The following GPR141 variants were observed in gnomAD, a reference collection of about 807,000 sequenced individuals.
The protein encoded by GPR141 is G protein-coupled receptor 141, also known as probable G protein-coupled receptor 141.
In GPR141, 6 loss-of-function variants were observed where a neutral mutation model predicts 6.8. The observed-to-expected ratio is 0.88, with a 90% CI of 0.48 to 1.74. GPR141 has a LOEUF of 1.74. Among genes scored for constraint, GPR141 ranks in the 40% most tolerant of loss-of-function variants. The pLI, the probability that GPR141 is intolerant of heterozygous loss-of-function variation, is 0.01. For missense variants in GPR141, 372 were observed against 372.9 expected, an observed-to-expected ratio of 1.00 and a Z score of 0.02; for synonymous variants, 140 against 142.3, an observed-to-expected ratio of 0.98 and a Z score of 0.11.
chr7:37,712,809 A>G (rs1341085875), intron 2 of GPR141, among the ~76,000 whole-genome samples: 3 of 152,196 alleles, frequency 2.0e-5, no homozygotes, highest in Admixed American at 1.3e-4. Flanking sequence ...GGACCTGTGT[A>G]TTGGCCGAGG....
intron 2 of GPR141, among the ~76,000 whole-genome samples, chr7:37,729,155 C>T (rs1198475572): frequency 6.6e-6 from 1 of 152,146 alleles, no homozygotes. Flanking sequence ...AAAGGGCTTA[C>T]ATGTCATGGT....
intron 2 of GPR141, among the ~76,000 whole-genome samples, chr7:37,738,299 G>A (rs1812345351): frequency 1.3e-5 from 2 of 152,202 alleles, no homozygotes; most frequent in Admixed American, 1.3e-4. Flanking sequence ...TAAGAAAGAG[G>A]ACTTGGGACA....
chr7:37,724,685 A>G (rs1265923712), intron 2 of GPR141, among the ~76,000 whole-genome samples: 1 of 152,208 alleles, frequency 6.6e-6, no homozygotes, highest in African/African-American at 2.4e-5. Context: ...CAAACACAAC[A>G]AACTATAATT....
intron 2 of GPR141, among the ~76,000 whole-genome samples, chr7:37,718,857 T>C (rs538795656): frequency 6.6e-6 from 1 of 152,314 alleles, no homozygotes; most frequent in Non-Finnish European, 1.5e-5. Flanking sequence ...CTGTTAGGCT[T>C]TGAATGCACA....
At chr7:37,738,486 G>A (rs1430912939) in intron 2 of GPR141, among the ~76,000 whole-genome samples, 1 of 152,102 alleles carries the variant, frequency 6.6e-6, no homozygotes, top group Non-Finnish European at 1.5e-5. Context: ...AAAATAAAAG[G>A]CAAGTAGAGA....
At chr7:37,732,752 G>A (rs550807580) in intron 2 of GPR141, among the ~76,000 whole-genome samples, 2 of 152,320 alleles carry the variant, frequency 1.3e-5, no homozygotes, top group African/African-American at 2.4e-5. Flanking sequence ...TAACAAAGGA[G>A]CAGAGCAGGA....
intron 2 of GPR141, among the ~76,000 whole-genome samples, chr7:37,730,608 T>G (rs1295393424): frequency 6.6e-6 from 1 of 152,180 alleles, no homozygotes; most frequent in African/African-American, 2.4e-5. Context: ...GTTGCACTTG[T>G]TTTTGTGACT....
intron 2 of GPR141, among the ~76,000 whole-genome samples, chr7:37,717,580 C>A (rs1445935457): frequency 6.6e-6 from 1 of 152,092 alleles, no homozygotes; most frequent in African/African-American, 2.4e-5. Flanking sequence ...CTTTCTCTCA[C>A]CCCCCTTGTT....
chr7:37,717,276 G>C lies in GPR141; in HGVS notation c.-14-23104G>C, dbSNP rs545306247. ...TTCAAAGCTACAAAAGGAAAGCTCA[G>C]TTTCTTTCTTCTACATTTAAAGTAG... On this transcript the variant is annotated intron_variant, in intron 2 of 2. Transcript: ENST00000334425. Among the ~76,000 whole-genome samples, 208 of 152,336 alleles carry C rather than the reference G, an allele frequency of 1.4e-3. 1 individual carries two copies. The highest frequency in any genetic ancestry group is 4.9e-3 in the African/African-American group (202 of 41,578).
At chr7:37,700,837 T>A (rs1810249623) in intron 2 of GPR141, among the ~76,000 whole-genome samples, 1 of 152,160 alleles carries the variant, frequency 6.6e-6, no homozygotes, top group Non-Finnish European at 1.5e-5. Flanking sequence ...TGAAGCCAGA[T>A]CTTCAAATCT....
At chr7:37,694,481 G>C (rs528859825) in intron 2 of GPR141, among the ~76,000 whole-genome samples, 1 of 152,244 alleles carries the variant, frequency 6.6e-6, no homozygotes, top group African/African-American at 2.4e-5. Flanking sequence ...AGATGGAGCT[G>C]TTCTGCTGAA....
At chr7:37,717,438 G>T (rs1239530924) in intron 2 of GPR141, among the ~76,000 whole-genome samples, 1 of 152,242 alleles carries the variant, frequency 6.6e-6, no homozygotes, top group Non-Finnish European at 1.5e-5. Context: ...GGTGGAGGTT[G>T]TGTATTTGCT....
At chr7:37,733,217 A>C (rs1156915239) in intron 2 of GPR141, among the ~76,000 whole-genome samples, 1 of 152,118 alleles carries the variant, frequency 6.6e-6, no homozygotes, top group East Asian at 1.9e-4. Context: ...AGGTGCTTTT[A>C]TTATCATACA....
At chr7:37,699,452 T>C (rs1171433270) in intron 2 of GPR141, among the ~76,000 whole-genome samples, 2 of 152,280 alleles carry the variant, frequency 1.3e-5, no homozygotes, top group East Asian at 3.9e-4. Context: ...TCCCACCTAC[T>C]CGGGAGGCTG....
intron 2 of GPR141, among the ~76,000 whole-genome samples, chr7:37,693,542 G>T (rs1202782460): frequency 3.9e-5 from 6 of 152,144 alleles, no homozygotes; most frequent in South Asian, 4.1e-4. Context: ...GGCCTCAGTG[G>T]CAACTTGGGA....
At chr7:37,686,373 CAA>C (rs1156395424) in intron 2 of GPR141, among the ~76,000 whole-genome samples, 4 of 152,096 alleles carry the variant, frequency 2.6e-5, no homozygotes, top group Non-Finnish European at 5.9e-5. Flanking sequence ...CATTGCTTTG[CAA>C]AGTGTTTTCA....
chr7:37,701,212 T>G (rs1488116779), intron 2 of GPR141, among the ~76,000 whole-genome samples: 1 of 152,230 alleles, frequency 6.6e-6, no homozygotes, highest in Non-Finnish European at 1.5e-5. Flanking sequence ...GTATGATTAT[T>G]TTTCCTAAGT....
chr7:37,685,634 G>A (rs577471730), intron 2 of GPR141, 51 bp downstream of exon 2: 6 of 151,524 alleles, frequency 4.0e-5, no homozygotes, highest in Non-Finnish European at 4.4e-5. Flanking sequence ...TTTAAATAGA[G>A]ACAGGGTCTT....
chr7:37,739,861 A>T (rs891137519), intron 2 of GPR141, among the ~76,000 whole-genome samples: 2 of 152,142 alleles, frequency 1.3e-5, no homozygotes, highest in Admixed American at 1.3e-4. Context: ...TGCTCTCTTG[A>T]CTTAGATGGT....
Sources: gnomAD v4.1 joint callset for allele counts (sites outside exome capture counted in the v4.1 genomes callset) on GRCh38, gnomAD v4.1.1 for gene constraint, MANE v1.5 for transcripts, NCBI Gene and HGNC (gene_info 2026-07-23, HGNC 2026-07-21) for gene names.